ZNF329: variants seen among roughly 807,000 people sequenced by gnomAD.
The protein encoded by ZNF329 is zinc finger protein 329.
A neutral mutation model predicts 26.6 loss-of-function variants in ZNF329; 15 were observed. The ratio of observed to expected loss-of-function variants is 0.56; its 90% confidence interval spans 0.38 to 0.87. The LOEUF is 0.87. Among genes scored for constraint, ZNF329 ranks in the 40% least tolerant of loss-of-function variants. ZNF329 has a pLI of 0.00. For missense variants in ZNF329, 651 were observed against 651.9 expected, an observed-to-expected ratio of 1.00 and a Z score of 0.02; for synonymous variants, 239 against 233.5, an observed-to-expected ratio of 1.02 and a Z score of -0.21.
rs74269140 is a variant in ZNF329 at position 58,127,484 on chromosome 19, G to GAA, written c.*392_*393dup. 2.8e-4 allele frequency: 41 copies of GAA among 144,398 alleles called. No homozygotes were observed. Among genetic ancestry groups the GAA allele is most frequent in the Non-Finnish European group, 3.7e-4 (25 of 66,956 alleles). 8.9% of individuals were successfully genotyped at this position (144,398 alleles called of 1,614,324 possible). A position where few individuals can be genotyped will look rare whatever the true frequency, so the allele number is the denominator to read the frequency against. ...GCCACTGCACAGTGAGACTCTGTCC[G>GAA]AAAAAAAAAAAAAAGTTGATTCAGT... On this transcript the variant is annotated 3_prime_UTR_variant, in exon 4 of 4. Coordinates refer to ENST00000598312, the MANE Select transcript of ZNF329 (RefSeq NM_024620.4).
At chr19:58,137,634 C>G (rs915006673) in intron 3 of ZNF329, among the ~76,000 whole-genome samples, 4 of 151,370 alleles carry the variant, frequency 2.6e-5, no homozygotes, top group African/African-American at 9.7e-5. Context: ...CCAAGTCTGT[C>G]ATTTGAAAAG....
chr19:58,128,436 C>T lies in ZNF329; in HGVS notation c.1068G>A (p.Ser356=), dbSNP rs116205903. The T allele has an allele frequency of 8.7e-4, 1,398 of 1,613,012 alleles. 4 individuals are homozygous for T. The Middle Eastern group carries it at 0.011, about 12-fold the overall frequency. Residue 356 remains serine, a synonymous_variant, in exon 4 of 4, where the codon TCG becomes TCA. Transcript: ENST00000598312. ...GAGTCCTCTCATGCTGGGTGAGGTACGAGCCGTCCCGGAAAGCCTTTCCAC... is the reference window on the plus strand; with the variant it reads ...GAGTCCTCTCATGCTGGGTGAGGTATGAGCCGTCCCGGAAAGCCTTTCCAC... ...SKCGKAFRDG[S]YLTQHERTHT...
rs1302844897 is a variant in ZNF329, at chr19:58,147,404, C to T, written c.-208+3348G>A. On this transcript the variant is annotated intron_variant, in intron 1 of 3. Transcript: ENST00000598312. Reference sequence around the variant, plus strand: ...GAGCGTCTCCGCCTGGCAGCCACCCCGTCCAGGAGGGAGGTGGGGGGCCAG... The same window carrying T: ...GAGCGTCTCCGCCTGGCAGCCACCCTGTCCAGGAGGGAGGTGGGGGGCCAG... Among the ~76,000 whole-genome samples, 6 of 149,984 alleles carry T rather than the reference C, an allele frequency of 4.0e-5. 1 individual carries two copies. Among genetic ancestry groups the T allele is most frequent in the Admixed American group, 2.6e-4 (4 of 15,184 alleles).
chr19:58,153,911 C>T (rs2075500282), upstream of ZNF329, among the ~76,000 whole-genome samples: 1 of 152,040 alleles, frequency 6.6e-6, no homozygotes, highest in Non-Finnish European at 1.5e-5. Flanking sequence ...CTATTTTACC[C>T]AGGCTGCTCT....
rs750414919 is a variant in ZNF329, at chr19:58,126,857, G to A, written c.*1021C>T. On this transcript the variant is annotated 3_prime_UTR_variant, in exon 4 of 4. Transcript: ENST00000598312. ...TTTGGTAGAGATGGGGTTTCACCAT[G>A]CTGGCCAGGCTGGTCTTGAACTCCT... 2 of 152,202 alleles carry A rather than the reference G, an allele frequency of 1.3e-5. No individual in the cohort carries two copies. Among genetic ancestry groups the A allele is most frequent in the African/African-American group, 2.4e-5 (1 of 41,454 alleles). 9.4% of individuals were successfully genotyped at this position (152,202 alleles called of 1,614,324 possible). A position where few individuals can be genotyped will look rare whatever the true frequency, so the allele number is the denominator to read the frequency against.
chr19:58,144,832 AC>A (rs2075270720), intron 1 of ZNF329, among the ~76,000 whole-genome samples: 1 of 142,712 alleles, frequency 7.0e-6, no homozygotes, highest in Non-Finnish European at 1.5e-5. Context: ...ATGCCATCAC[AC>A]CTGGATAATT....
rs11879569 is a variant in ZNF329 at position 58,149,827 on chromosome 19, A to T, written c.-208+925T>A. Among the ~76,000 whole-genome samples the T allele has an allele frequency of 3.8e-3, 576 of 152,314 alleles. 7 individuals carry two copies. Among genetic ancestry groups the T allele is most frequent in the African/African-American group, 0.013 (547 of 41,562 alleles). On this transcript the variant is annotated intron_variant, in intron 1 of 3. Coordinates refer to ENST00000598312, the MANE Select transcript of ZNF329 (RefSeq NM_024620.4). ...GGTACAGGGAATATCTGTGCATTTC[A>T]CTGAAAGTCAATTTTGGCTCAAAAA...
chr19:58,148,391 T>TA (rs1241009357), intron 1 of ZNF329, among the ~76,000 whole-genome samples: 21,805 of 103,648 alleles, frequency 0.21, 2,363 homozygotes, highest in East Asian at 0.48. Context: ...AATGATCAAT[T>TA]AAAAAAAAAA....
At chr19:58,133,349 G>A (rs1000769216) in intron 3 of ZNF329, among the ~76,000 whole-genome samples, 2 of 152,182 alleles carry the variant, frequency 1.3e-5, no homozygotes, top group Non-Finnish European at 2.9e-5. Context: ...ACTTTGGTAG[G>A]CCAAGGTGGA....
In ZNF329 at chr19:58,127,806, A is replaced by G; in HGVS notation, c.*72T>C. The G allele has an allele frequency of 1.2e-5, 17 of 1,361,182 alleles. No individual in the cohort carries two copies. The highest frequency in any genetic ancestry group is 1.7e-5 in the Non-Finnish European group (17 of 993,080). The allele number at this position is 1,361,182 out of a possible 1,614,324, so 84.3% of individuals were successfully genotyped here. ...GATTCTTTTCTACTGACCAGAGAGGAGTCAGATCTAAGACACGCCTCCTAA... is the reference window on the plus strand; with the variant it reads ...GATTCTTTTCTACTGACCAGAGAGGGGTCAGATCTAAGACACGCCTCCTAA... On this transcript the variant is annotated 3_prime_UTR_variant, in exon 4 of 4. Coordinates refer to ENST00000598312, the MANE Select transcript of ZNF329 (RefSeq NM_024620.4).
intron 1 of ZNF329, among the ~76,000 whole-genome samples, chr19:58,143,681 C>G (rs905125622): frequency 3.3e-5 from 5 of 152,118 alleles, no homozygotes; most frequent in African/African-American, 9.7e-5. Context: ...CTCGTGCTGT[C>G]TTTTCAGATG....
chr19:58,146,212 A>C (rs2075306036), intron 1 of ZNF329, among the ~76,000 whole-genome samples: 1 of 152,116 alleles, frequency 6.6e-6, no homozygotes, highest in South Asian at 2.1e-4. Flanking sequence ...AGTGGCTCAC[A>C]CCTGTAATCC....
intron 3 of ZNF329, among the ~76,000 whole-genome samples, chr19:58,138,941 G>A (rs1399985850): frequency 1.3e-5 from 2 of 151,698 alleles, no homozygotes; most frequent in Non-Finnish European, 2.9e-5. Flanking sequence ...AGGAGACAGA[G>A]CAAGACTGTC....
At chr19:58,132,384 C>T (rs157358) in intron 3 of ZNF329, 116,836 of 150,876 alleles carry the variant, frequency 0.77, 45,601 homozygotes, top group Non-Finnish European at 0.84. Flanking sequence ...TGAAACCCCA[C>T]CTCCACTAAA....
intron 1 of ZNF329, among the ~76,000 whole-genome samples, chr19:58,147,544 G>A (rs2075347353): frequency 1.4e-5 from 2 of 144,486 alleles, no homozygotes; most frequent in African/African-American, 2.7e-5. Flanking sequence ...CGGGAGGGAG[G>A]TGGGGGGGTC....
intron 1 of ZNF329, among the ~76,000 whole-genome samples, chr19:58,145,403 C>A (rs141709962): frequency 0.037 from 5,449 of 148,796 alleles, 344 homozygotes; most frequent in African/African-American, 0.13. Context: ...CTCACTGCAA[C>A]CTCCGCCTCC....
At position 58,140,887 on chromosome 19, in the gene ZNF329, T is replaced by C. The variant is rs1367572962; in HGVS notation, c.-9+1670A>G. Among the ~76,000 whole-genome samples, 4 of 151,266 alleles carry C rather than the reference T, an allele frequency of 2.6e-5. No homozygotes were observed. In the East Asian group the frequency reaches 7.8e-4, roughly 30 times the overall value. On this transcript the variant is annotated intron_variant, in intron 3 of 3. Transcript: ENST00000598312. Reference sequence around the variant, plus strand: ...CCATCACACATAATTTTTTTTTTTTTTTTGAGTTAGAATCTCACTCTGTCT... The same window carrying C: ...CCATCACACATAATTTTTTTTTTTTCTTTGAGTTAGAATCTCACTCTGTCT...
intron 3 of ZNF329, among the ~76,000 whole-genome samples, chr19:58,129,914 C>T (rs778552456): frequency 1.4e-4 from 21 of 152,212 alleles, no homozygotes; most frequent in Non-Finnish European, 1.9e-4. Context: ...GAGCTTACAA[C>T]AGCACTGAAG....
At chr19:58,142,819 T>G in intron 2 of ZNF329, among the ~76,000 whole-genome samples, 158 bp from the exon 3 acceptor site, 1 of 152,242 alleles carries the variant, frequency 6.6e-6, no homozygotes, top group Non-Finnish European at 1.5e-5. Flanking sequence ...CTGACAGCTT[T>G]CAAGCCCCAA....
Sources: gnomAD v4.1 joint callset for allele counts (sites outside exome capture counted in the v4.1 genomes callset) on GRCh38, gnomAD v4.1.1 for gene constraint, MANE v1.5 for transcripts, NCBI Gene and HGNC (gene_info 2026-07-23, HGNC 2026-07-21) for gene names.